Variants in RBM26 observed in about 807,000 individuals in gnomAD.
RBM26 encodes the protein RNA-binding protein 26.
Under a neutral mutation model 123.6 loss-of-function variants are expected in RBM26, and 30 were observed. The ratio of observed to expected loss-of-function variants is 0.24; its 90% CI spans 0.18 to 0.33. RBM26 has a LOEUF of 0.33. Ranked by LOEUF, RBM26 falls within the 10% of genes least tolerant of loss-of-function variation. The pLI, the probability that RBM26 is intolerant of heterozygous loss-of-function variation, is 1.00. For synonymous variants in RBM26, 400 were observed against 404.4 expected, an observed-to-expected ratio of 0.99 and a Z score of 0.13; for missense variants, 947 against 1,203.6, an observed-to-expected ratio of 0.79 and a Z score of 3.15.
chr13:79,320,947 T>A (rs1294915878), intron 21 of RBM26, among the ~76,000 whole-genome samples: 1 of 151,252 alleles, frequency 6.6e-6, no homozygotes, highest in Admixed American at 6.6e-5. Flanking sequence ...AAAGCCTTTG[T>A]ACATGCCATT....
At chr13:79,389,978 A>T (rs1405363861) in intron 1 of RBM26, among the ~76,000 whole-genome samples, 2 of 152,174 alleles carry the variant, frequency 1.3e-5, no homozygotes, top group Non-Finnish European at 2.9e-5. Flanking sequence ...TACTAGTTGT[A>T]GTAGCAACAT....
chr13:79,353,283 G>C (rs1037523415), intron 13 of RBM26, 59 bp from the exon 14 acceptor site: 2 of 978,430 alleles, frequency 2.0e-6, no homozygotes, highest in Admixed American at 4.3e-5. Flanking sequence ...AGTCTGTTGG[G>C]ATCTTGAACA....
In RBM26 at chr13:79,405,824, GCCGCTACAGCCGCCGCTGCCC is replaced by G. The variant is rs775830179; in HGVS notation, c.-71_-51del. 8.3e-7 allele frequency: 1 copy of G among 1,210,520 alleles called. No individual in the cohort carries two copies. Among genetic ancestry groups the G allele is most frequent in the East Asian group, 2.9e-5 (1 of 34,474 alleles). 75.0% of individuals were successfully genotyped at this position (1,210,520 alleles called of 1,614,324 possible). ...CACTCCTCCGCCCGCCCAGGTCGCG[GCCGCTACAGCCGCCGCTGCCC>G]CCGCCCCCTCCTCCGCGCGCCGCCC... On this transcript the variant is annotated 5_prime_UTR_variant, in exon 1 of 22. Coordinates refer to ENST00000438737, the MANE Select transcript of RBM26 (RefSeq NM_001366735.2).
chr13:79,402,025 GAA>G (rs35518227), intron 1 of RBM26, among the ~76,000 whole-genome samples: 2 of 144,428 alleles, frequency 1.4e-5, no homozygotes, highest in African/African-American at 2.5e-5. Flanking sequence ...GTCTCTTCAG[GAA>G]AAAAAAAAAA....
At chr13:79,340,405 A>AAAAAAGCATTAAT (rs1308900451) in intron 18 of RBM26, among the ~76,000 whole-genome samples, 6 of 152,102 alleles carry the variant, frequency 3.9e-5, no homozygotes, top group Non-Finnish European at 7.4e-5. Flanking sequence ...ACAAGTTAAG[A>AAAAAAGCATTAAT]AAAAAGCATT....
intron 13 of RBM26, among the ~76,000 whole-genome samples, chr13:79,353,639 G>T (rs562891875): frequency 1.3e-5 from 2 of 152,026 alleles, no homozygotes; most frequent in Non-Finnish European, 2.9e-5. Flanking sequence ...GATAGGACTG[G>T]GAATTTTTTA....
chr13:79,371,449 C>T (rs2075868880), intron 4 of RBM26, among the ~76,000 whole-genome samples: 1 of 152,066 alleles, frequency 6.6e-6, no homozygotes, highest in African/African-American at 2.4e-5. Context: ...ATAGAACATA[C>T]TATCCCGTAC....
intron 1 of RBM26, among the ~76,000 whole-genome samples, chr13:79,382,915 G>C (rs1342327900): frequency 1.2e-4 from 2 of 17,106 alleles, no homozygotes; most frequent in East Asian, 3.7e-3. Context: ...GGTTTTCTAG[G>C]GATTCTCAGC....
At chr13:79,338,560 T>C (rs1594078004) in intron 18 of RBM26, among the ~76,000 whole-genome samples, 1 of 152,170 alleles carries the variant, frequency 6.6e-6, no homozygotes, top group Non-Finnish European at 1.5e-5. Context: ...GAGATAAGCC[T>C]GGAGAAAGGC....
intron 20 of RBM26, among the ~76,000 whole-genome samples, chr13:79,327,295 CAAAAAA>C (rs5805024): frequency 8.1e-6 from 1 of 123,030 alleles, no homozygotes; most frequent in Non-Finnish European, 1.8e-5. Context: ...GAACCTGTCT[CAAAAAA>C]AAAAAAAAAA....
Position 79,321,718 on chromosome 13 carries a change from G to A in RBM26, c.2934+631C>T, listed in dbSNP as rs551546054. The stretch of plus-strand genomic sequence containing the variant: ...TTATGAAGCTGTTTTACTGCTTAGG[G>A]CCCAGTTCCACTATCAATACCTCCT... On this transcript the variant is annotated intron_variant, in intron 21 of 21. Coordinates refer to ENST00000438737, the MANE Select transcript of RBM26 (RefSeq NM_001366735.2). 4.6e-5 allele frequency among the ~76,000 whole-genome samples: 7 copies of A among 151,348 alleles called. No individual in the cohort carries two copies. The East Asian group carries it at 1.4e-3, about 29-fold the overall frequency.
At chr13:79,313,421 A>G (rs558837068) in exon 5 of RBM26, 39 of 151,978 alleles carry the variant, frequency 2.6e-4, no homozygotes, top group African/African-American at 8.4e-4. Flanking sequence ...CCAGGATGAC[A>G]AAGTTGCAGG....
rs894536419 is a variant in RBM26 at position 79,406,194 on chromosome 13, G to C, written c.-420C>G. 1 of 155,038 alleles carries C rather than the reference G, an allele frequency of 6.5e-6. No homozygotes were observed. The highest frequency in any genetic ancestry group is 6.5e-5 in the Admixed American group (1 of 15,354). The allele number at this position is 155,038 out of a possible 1,614,324, so 9.6% of individuals were successfully genotyped here. A position where few individuals can be genotyped will look rare whatever the true frequency, so the allele number is the denominator to read the frequency against. On this transcript the variant is annotated 5_prime_UTR_variant, in exon 1 of 22. Transcript: ENST00000438737. ...AGGGCAGCTCAATGGGAACGATTCA[G>C]GGGGTCTTCCCGGCTCCCAGCACCC...
At chr13:79,339,926 C>T (rs769231706) in intron 18 of RBM26, among the ~76,000 whole-genome samples, 4 of 151,928 alleles carry the variant, frequency 2.6e-5, no homozygotes, top group South Asian at 2.1e-4. Context: ...GAAAACTAAA[C>T]GTAAGCCGTG....
chr13:79,333,107 ACTTAACAATACC>A (rs1459852791), intron 20 of RBM26, among the ~76,000 whole-genome samples: 3 of 152,200 alleles, frequency 2.0e-5, no homozygotes, highest in Non-Finnish European at 4.4e-5. Context: ...CTAAACTTGC[ACTTAACAATACC>A]CTGGAGAGAA....
chr13:79,321,842 A>C (rs2067709496), intron 21 of RBM26, among the ~76,000 whole-genome samples: 1 of 151,340 alleles, frequency 6.6e-6, no homozygotes, highest in African/African-American at 2.4e-5. Context: ...CTTTTATTGT[A>C]ACTAGTTTCT....
chr13:79,379,021 G>T, intron 1 of RBM26, 114 bp from the exon 2 acceptor site: 1 of 662,420 alleles, frequency 1.5e-6, no homozygotes, highest in Non-Finnish European at 2.6e-6. Context: ...CATGTAAAAA[G>T]CACCCGGGTC....
At position 79,319,721 on chromosome 13, in the gene RBM26, A is replaced by C; in HGVS notation, c.*900T>G. On this transcript the variant is annotated 3_prime_UTR_variant, in exon 22 of 22. Coordinates refer to ENST00000438737, the MANE Select transcript of RBM26 (RefSeq NM_001366735.2). The stretch of plus-strand genomic sequence containing the variant: ...TTTTAAATTTTAAGACATTTGTTGA[A>C]AATTTATAGGATCAAACCAAACTCA... 6 of 983,814 alleles carry C rather than the reference A, an allele frequency of 6.1e-6. No homozygotes were observed. Among genetic ancestry groups the C allele is most frequent in the Non-Finnish European group, 6.0e-6 (5 of 828,754 alleles). 60.9% of individuals were successfully genotyped at this position (983,814 alleles called of 1,614,324 possible).
chr13:79,337,890 G>A (rs2070714842), intron 18 of RBM26, among the ~76,000 whole-genome samples: 2 of 152,122 alleles, frequency 1.3e-5, no homozygotes, highest in South Asian at 4.1e-4. Flanking sequence ...TTACCCTCAT[G>A]AAACCCAAGT....
Sources: allele counts gnomAD v4.1 joint callset (sites outside exome capture counted in the v4.1 genomes callset), GRCh38; gene constraint gnomAD v4.1.1; transcripts MANE v1.5; gene names NCBI Gene and HGNC (gene_info 2026-07-23, HGNC 2026-07-21).